TIPIN: variants seen among roughly 807,000 people sequenced by gnomAD.
TIPIN encodes TIMELESS interacting protein.
TIPIN carries 29 observed loss-of-function variants against 35.6 expected under a neutral mutation model. That is an observed-to-expected ratio of 0.82 (90% CI 0.61 to 1.11). TIPIN has a LOEUF of 1.11. Among genes scored for constraint, TIPIN ranks in the 50% most tolerant of loss-of-function variants. The probability of loss-of-function intolerance (pLI) is 0.00; values close to 1 mark genes in which losing one functional copy is unlikely to be tolerated. For missense variants in TIPIN, 296 were observed against 345.4 expected, an observed-to-expected ratio of 0.86 and a Z score of 1.13; for synonymous variants, 102 against 121.5, an observed-to-expected ratio of 0.84 and a Z score of 1.06.
chr15:66,380,284 C>T (rs1318149328), intron 1 of TIPIN, among the ~76,000 whole-genome samples: 1 of 151,186 alleles, frequency 6.6e-6, no homozygotes, highest in Non-Finnish European at 1.5e-5. Flanking sequence ...GGATTACAGG[C>T]GTGAGCCACT....
intron 6 of TIPIN, chr15:66,348,199 T>A (rs2093140519): frequency 6.6e-6 from 1 of 151,352 alleles, no homozygotes; most frequent in Admixed American, 6.6e-5. Flanking sequence ...GTAGATGGGG[T>A]CTCACTCGGT....
At chr15:66,369,494 G>T (rs1209022953) in intron 1 of TIPIN, among the ~76,000 whole-genome samples, 2 of 151,572 alleles carry the variant, frequency 1.3e-5, no homozygotes, top group Non-Finnish European at 2.9e-5. Flanking sequence ...GACTACAGGC[G>T]CCTGCCACCA....
chr15:66,371,257 T>C (rs1043581190), intron 1 of TIPIN: 3 of 984,816 alleles, frequency 3.0e-6, no homozygotes, highest in African/African-American at 3.5e-5. Flanking sequence ...ACCTGTTGTA[T>C]ACTTTTCTGG....
chr15:66,360,166 G>A (rs769047267), upstream of TIPIN, among the ~76,000 whole-genome samples: 6 of 152,132 alleles, frequency 3.9e-5, no homozygotes, highest in South Asian at 2.1e-4. Context: ...TGAGGCAGGA[G>A]GATTACTTGA....
At chr15:66,362,137 C>G (rs1180023104) in intron 1 of TIPIN, among the ~76,000 whole-genome samples, 1 of 151,650 alleles carries the variant, frequency 6.6e-6, no homozygotes, top group Non-Finnish European at 1.5e-5. Context: ...AACCCTGTCT[C>G]TACTAAAATA....
intron 7 of TIPIN, 109 bp downstream of exon 7, chr15:66,341,040 CT>C: frequency 1.1e-6 from 1 of 943,104 alleles, no homozygotes; most frequent in Non-Finnish European, 1.6e-6. Context: ...TAATATCACA[CT>C]TTTCCACTCC....
chr15:66,347,677 G>C (rs905673513), intron 6 of TIPIN, among the ~76,000 whole-genome samples: 3 of 152,046 alleles, frequency 2.0e-5, no homozygotes, highest in African/African-American at 7.2e-5. Context: ...CCACCTCCTG[G>C]ATTCAAGTTA....
At chr15:66,353,689 T>A (rs972061437) in intron 1 of TIPIN, among the ~76,000 whole-genome samples, 22 of 152,084 alleles carry the variant, frequency 1.4e-4, no homozygotes, top group Non-Finnish European at 2.8e-4. Flanking sequence ...AAAAAATTTT[T>A]AAATGTGTTT....
At chr15:66,370,504 G>C (rs1239116456) in intron 1 of TIPIN, among the ~76,000 whole-genome samples, 1 of 151,948 alleles carries the variant, frequency 6.6e-6, no homozygotes, top group Non-Finnish European at 1.5e-5. Context: ...GCAGGGGCAT[G>C]GGGCGGGGTG....
intron 3 of TIPIN, 147 bp from the exon 4 acceptor site, chr15:66,351,747 C>G: frequency 3.1e-6 from 2 of 646,612 alleles, no homozygotes; most frequent in Non-Finnish European, 5.3e-6. Context: ...TCACGTCATT[C>G]TCCTGCCTCA....
chr15:66,355,707 C>T (rs888621271), intron 1 of TIPIN, among the ~76,000 whole-genome samples: 1 of 152,032 alleles, frequency 6.6e-6, no homozygotes, highest in Admixed American at 6.6e-5. Context: ...GCCGAGACCG[C>T]GCCACTGCAC....
chr15:66,378,012 AT>A (rs956507783), intron 1 of TIPIN, among the ~76,000 whole-genome samples: 78 of 145,050 alleles, frequency 5.4e-4, no homozygotes, highest in Middle Eastern at 3.6e-3. Context: ...TGCCCAGCTA[AT>A]TTTTTTTTTT....
chr15:66,341,430 T>A, intron 6 of TIPIN, 74 bp from the exon 7 acceptor site: 2 of 1,387,796 alleles, frequency 1.4e-6, no homozygotes, highest in Non-Finnish European at 1.9e-6. Context: ...AAAAAGAATT[T>A]AAAGTGGCAA....
chr15:66,367,914 A>G (rs919869509), intron 1 of TIPIN, among the ~76,000 whole-genome samples: 5 of 147,732 alleles, frequency 3.4e-5, no homozygotes, highest in Non-Finnish European at 7.5e-5. Flanking sequence ...GGCTCACACA[A>G]CCTCTGTCTC....
At chr15:66,337,776 AAAAT>A (rs2093055455) in intron 7 of TIPIN, among the ~76,000 whole-genome samples, 2 of 55,086 alleles carry the variant, frequency 3.6e-5, no homozygotes, top group Non-Finnish European at 8.3e-5. Flanking sequence ...CAAAAAAAAT[AAAAT>A]AAAAAAAAAA....
At chr15:66,358,981 T>C (rs1189404684), upstream of TIPIN, among the ~76,000 whole-genome samples, 1 of 151,512 alleles carries the variant, frequency 6.6e-6, no homozygotes, top group African/African-American at 2.4e-5. Flanking sequence ...GAGGCAGAGA[T>C]TGCAGTGAGC....
rs924632404 is a variant in TIPIN, at chr15:66,382,379, C to A, written c.-9+4228G>T. ...TCTGAGTTAAATGTACTCCTCAATT[C>A]TTGATATGTTTTCATCACTGGTTGT... On this transcript the variant is annotated intron_variant, in intron 1 of 7. Coordinates refer to the TIPIN transcript ENST00000562124. 1.0e-5 allele frequency: 10 copies of A among 985,018 alleles called. No individual in the cohort carries two copies. The African/African-American group carries it at 1.4e-4, about 14-fold the overall frequency. The allele number at this position is 985,018 out of a possible 1,614,324, so 61.0% of individuals were successfully genotyped here.
At chr15:66,373,849 T>C (rs1053923758) in intron 1 of TIPIN, among the ~76,000 whole-genome samples, 25 of 152,116 alleles carry the variant, frequency 1.6e-4, no homozygotes, top group African/African-American at 5.3e-4. Context: ...ACCACAGGCA[T>C]GTACCATTAC....
intron 1 of TIPIN, chr15:66,379,494 T>G: frequency 1.2e-6 from 2 of 1,609,424 alleles, no homozygotes; most frequent in Non-Finnish European, 1.7e-6. Context: ...TAATTCATCT[T>G]TCTGGGCTTG....
Sources: gnomAD v4.1 joint callset for allele counts (sites outside exome capture counted in the v4.1 genomes callset) on GRCh38, gnomAD v4.1.1 for gene constraint, MANE v1.5 for transcripts, NCBI Gene and HGNC (gene_info 2026-07-23, HGNC 2026-07-21) for gene names.